MAML1: variants seen among roughly 807,000 people sequenced by gnomAD.
MAML1 encodes the protein mastermind like transcriptional coactivator 1.
A neutral mutation model predicts 77.1 loss-of-function variants in MAML1; 14 were observed. The observed-to-expected ratio is 0.18, with a 90% CI of 0.12 to 0.28. The LOEUF (loss-of-function observed/expected upper bound fraction) is 0.28, where lower values mean the gene tolerates loss of function less well. MAML1 is among the 10% of genes least tolerant of loss of function. The pLI is 1.00. For synonymous variants in MAML1, 516 were observed against 551.9 expected (o/e 0.93, Z 0.91); for missense variants, 1,217 against 1,327.8 (o/e 0.92, Z 1.30).
intron 1 of MAML1, among the ~76,000 whole-genome samples, chr5:179,752,350 A>AATATATATATATATATATATATATATAT (rs1554150145): frequency 9.0e-5 from 6 of 66,706 alleles, no homozygotes; most frequent in South Asian, 4.4e-4. Flanking sequence ...AAAAAAAAAA[A>AATATATATATATATATATATATATATAT]ATATATATAT....
In MAML1 at chr5:179,776,258, C is replaced by A; in HGVS notation, c.*1381C>A. The A allele has an allele frequency of 1.2e-5, 12 of 985,892 alleles. No individual in the cohort carries two copies. Among genetic ancestry groups the A allele is most frequent in the Non-Finnish European group, 1.4e-5 (12 of 829,958 alleles). The allele number at this position is 985,892 out of a possible 1,614,324, so 61.1% of individuals were successfully genotyped here. A position where few individuals can be genotyped will look rare whatever the true frequency, so the allele number is the denominator to read the frequency against. ...AGAGTGTTCTGTGGAGAAACTGCAG[C>A]CCCACTTCTGTTTCCCTGGAGTCTC... On this transcript the variant is annotated 3_prime_UTR_variant, in exon 5 of 5. Coordinates refer to ENST00000292599, the MANE Select transcript of MAML1 (RefSeq NM_014757.5).
chr5:179,742,696 A>G (rs1295224338), intron 1 of MAML1, among the ~76,000 whole-genome samples: 3 of 151,918 alleles, frequency 2.0e-5, no homozygotes, highest in Non-Finnish European at 4.4e-5. Flanking sequence ...AATCCCAGGT[A>G]CTTGGGAGGC....
intron 4 of MAML1, among the ~76,000 whole-genome samples, chr5:179,772,168 C>G (rs769948953): frequency 2.0e-5 from 3 of 152,152 alleles, no homozygotes; most frequent in African/African-American, 2.4e-5. Context: ...GCCCAGGCTG[C>G]AGTGCAGTGG....
Position 179,768,834 on chromosome 5 carries a change from C to CT in MAML1, c.1732-15dup, listed in dbSNP as rs1178391574. The CT allele has an allele frequency of 6.2e-7, 1 of 1,613,806 alleles. No individual in the cohort carries two copies. The highest frequency in any genetic ancestry group is 1.7e-5 in the Admixed American group (1 of 60,006). On this transcript the variant is annotated splice_polypyrimidine_tract_variant and intron_variant, in intron 2 of 4. Transcript: ENST00000292599. ...CAGAGCTTAGAGACTTCACAGTCCC[C>CT]TATCTGTGTTGACAGGAGCAGAACC...
chr5:179,758,475 C>G (rs1779666887), intron 1 of MAML1, among the ~76,000 whole-genome samples: 1 of 151,090 alleles, frequency 6.6e-6, no homozygotes, highest in Non-Finnish European at 1.5e-5. Context: ...TCACCGCAGT[C>G]TCCCTCCTGG....
intron 4 of MAML1, among the ~76,000 whole-genome samples, chr5:179,773,135 G>A (rs1048720891): frequency 2.6e-5 from 4 of 152,122 alleles, no homozygotes; most frequent in East Asian, 1.9e-4. Context: ...CGCCCGCCTC[G>A]GTCTCCCAAA....
Position 179,733,190 on chromosome 5 carries a change from C to G in MAML1, c.78C>G (p.Arg26=). The G allele has an allele frequency of 6.8e-7, 1 of 1,474,710 alleles. No individual in the cohort carries two copies. The highest frequency in any genetic ancestry group is 9.0e-7 in the Non-Finnish European group (1 of 1,116,274). The allele number at this position is 1,474,710 out of a possible 1,614,324, so 91.4% of individuals were successfully genotyped here. ...CGGTCATGGAGCGCCTTCGCCGGCG[C>G]ATCGAGCTGTGCCGGCGCCACCACA... is the stretch of plus-strand genomic sequence containing the variant. ...HSAVMERLRR[R]IELCRRHHST... Residue 26 remains arginine, a synonymous_variant, in exon 1 of 5, where the codon CGC becomes CGG. Transcript: ENST00000292599.
Position 179,776,092 on chromosome 5 carries a change from T to C in MAML1, c.*1215T>C. ...TAAGCTGAGGGTCCACGAAATAGAATATGACATGTGAGCTGTTTTTGGAAA... is the reference window on the plus strand; with the variant it reads ...TAAGCTGAGGGTCCACGAAATAGAACATGACATGTGAGCTGTTTTTGGAAA... On this transcript the variant is annotated 3_prime_UTR_variant, in exon 5 of 5. Coordinates refer to ENST00000292599, the MANE Select transcript of MAML1 (RefSeq NM_014757.5). The C allele has an allele frequency of 1.0e-6, 1 of 985,914 alleles. No homozygotes were observed. The highest frequency in any genetic ancestry group is 1.2e-6 in the Non-Finnish European group (1 of 829,936). The allele number at this position is 985,914 out of a possible 1,614,324, so 61.1% of individuals were successfully genotyped here.
Position 179,752,344 on chromosome 5 carries a change from A to ATATATATATATATATATAT in MAML1, c.316-12982_316-12981insTATATATATATATATATAT, listed in dbSNP as rs1292142222. ...TGTCTCCAAAAAAAAAAAAAAAAAA[A>ATATATATATATATATATAT]AAAAAAATATATATATATATATGGT... is the stretch of plus-strand genomic sequence containing the variant. On this transcript the variant is annotated intron_variant, in intron 1 of 4. Coordinates refer to ENST00000292599, the MANE Select transcript of MAML1 (RefSeq NM_014757.5). 1.3e-4 allele frequency among the ~76,000 whole-genome samples: 12 copies of ATATATATATATATATATAT among 93,226 alleles called. 1 individual carries two copies. The highest frequency in any genetic ancestry group is 3.3e-4 in the South Asian group (1 of 2,988). 61.2% of individuals were successfully genotyped at this position (93,226 alleles called of 152,430 possible).
At chr5:179,759,642 C>A (rs556132404) in intron 1 of MAML1, among the ~76,000 whole-genome samples, 1 of 152,296 alleles carries the variant, frequency 6.6e-6, no homozygotes, top group Admixed American at 6.5e-5. Context: ...CCCGAGTGTC[C>A]TGTGGACATA....
chr5:179,748,669 C>T (rs912861621), intron 1 of MAML1, among the ~76,000 whole-genome samples: 15 of 152,342 alleles, frequency 9.8e-5, no homozygotes, highest in African/African-American at 3.6e-4. Flanking sequence ...CAGATTAAAA[C>T]TGTGTACTTG....
chr5:179,753,229 G>A (rs1343902045), intron 1 of MAML1, among the ~76,000 whole-genome samples: 12 of 151,152 alleles, frequency 7.9e-5, no homozygotes, highest in East Asian at 3.9e-4. Flanking sequence ...GTGTGCGCGC[G>A]CGCGCGCGCG....
In MAML1 at chr5:179,775,798, G is replaced by C. The variant is rs1002624832; in HGVS notation, c.*921G>C. The C allele has an allele frequency of 4.3e-5, 42 of 985,380 alleles. No individual in the cohort carries two copies. Among genetic ancestry groups the C allele is most frequent in the Non-Finnish European group, 4.9e-5 (41 of 829,982 alleles). 61.0% of individuals were successfully genotyped at this position (985,380 alleles called of 1,614,324 possible). A position where few individuals can be genotyped will look rare whatever the true frequency, so the allele number is the denominator to read the frequency against. ...TGTGCACAGATGTCTTTCCTTTACCGTTGGCCTTTCTGTCTGCCTCTCCTT... is the reference window on the plus strand; with the variant it reads ...TGTGCACAGATGTCTTTCCTTTACCCTTGGCCTTTCTGTCTGCCTCTCCTT... On this transcript the variant is annotated 3_prime_UTR_variant, in exon 5 of 5. Coordinates refer to ENST00000292599, the MANE Select transcript of MAML1 (RefSeq NM_014757.5).
intron 1 of MAML1, among the ~76,000 whole-genome samples, chr5:179,754,522 G>A (rs1012405525): frequency 6.6e-6 from 1 of 152,068 alleles, no homozygotes; most frequent in Non-Finnish European, 1.5e-5. Flanking sequence ...CTCGGGAGGT[G>A]GAGGCTGCAG....
At chr5:179,763,057 A>G (rs989504700) in intron 1 of MAML1, among the ~76,000 whole-genome samples, 3 of 152,230 alleles carry the variant, frequency 2.0e-5, no homozygotes, top group Non-Finnish European at 2.9e-5. Flanking sequence ...TGACTCATCA[A>G]GTGCCTTGAC....
At chr5:179,735,197 T>C (rs548795421) in intron 1 of MAML1, among the ~76,000 whole-genome samples, 1 of 152,000 alleles carries the variant, frequency 6.6e-6, no homozygotes, top group African/African-American at 2.4e-5. Flanking sequence ...ATAAATAAAA[T>C]ACAGTATTTC....
chr5:179,752,874 A>G (rs528721180), intron 1 of MAML1, among the ~76,000 whole-genome samples: 1 of 152,238 alleles, frequency 6.6e-6, no homozygotes, highest in East Asian at 1.9e-4. Context: ...TCCAGATTCA[A>G]GTGATTCTCC....
At chr5:179,741,498 A>G (rs1170852412) in intron 1 of MAML1, among the ~76,000 whole-genome samples, 1 of 152,082 alleles carries the variant, frequency 6.6e-6, no homozygotes, top group East Asian at 1.9e-4. Context: ...CAGCCTGGCC[A>G]AAATGGTGAA....
chr5:179,752,701 G>C (rs1415882199), intron 1 of MAML1, among the ~76,000 whole-genome samples: 1 of 148,234 alleles, frequency 6.7e-6, no homozygotes, highest in African/African-American at 2.5e-5. Context: ...CCGCCTCCCG[G>C]GTTCACGCCA....
Sources: allele counts gnomAD v4.1 joint callset (sites outside exome capture counted in the v4.1 genomes callset), GRCh38; gene constraint gnomAD v4.1.1; transcripts MANE v1.5; gene names NCBI Gene and HGNC (gene_info 2026-07-23, HGNC 2026-07-21).